DNAJC17: variants seen among roughly 807,000 people sequenced by gnomAD.
DNAJC17 encodes the protein dnaJ homolog subfamily C member 17.
A neutral mutation model predicts 48.1 loss-of-function variants in DNAJC17; 35 were observed. The observed-to-expected ratio is 0.73, with a 90% CI of 0.56 to 0.96. The LOEUF (loss-of-function observed/expected upper bound fraction) is 0.96. DNAJC17 is among the 50% of genes least tolerant of loss of function. The pLI is 0.00. For synonymous variants in DNAJC17, 117 were observed against 142.7 expected, an observed-to-expected ratio of 0.82 and a Z score of 1.28; for missense variants, 355 against 377.1, an observed-to-expected ratio of 0.94 and a Z score of 0.48.
chr15:40,770,313 G>C lies in DNAJC17; in HGVS notation c.793-2251C>G, dbSNP rs1258192177. The C allele has an allele frequency of 1.4e-5, 9 of 627,402 alleles. No individual in the cohort carries two copies. The highest frequency in any genetic ancestry group is 2.4e-5 in the Non-Finnish European group (9 of 368,242). 38.9% of individuals were successfully genotyped at this position (627,402 alleles called of 1,614,324 possible). On this transcript the variant is annotated intron_variant, in intron 10 of 10. Transcript: ENST00000220496. This position sits in a 1 kb window ranked among gnomAD's most constrained non-coding sequence, Gnocchi z 5.0. ...GCTGTCTGCTCTCCTGGGCAAAAAA[G>C]TTCCTTCTTCCTGAGCCCTCCTCTC...
At chr15:40,780,537 G>A (rs765960661) in intron 1 of DNAJC17, 46 of 362,218 alleles carry the variant, frequency 1.3e-4, no homozygotes, top group Non-Finnish European at 2.3e-4. Context: ...ATGATTGGCC[G>A]GTGCGGTGGC....
At chr15:40,782,823 T>C (rs34814635) in intron 1 of DNAJC17, among the ~76,000 whole-genome samples, 84,035 of 151,862 alleles carry the variant, frequency 0.55, 24,170 homozygotes, top group African/African-American at 0.71. Flanking sequence ...TGCTGGGCCA[T>C]AGCCAGGGCA....
At chr15:40,781,204 CTGTAATCCTGGCA>C (rs1196266788) in intron 1 of DNAJC17, among the ~76,000 whole-genome samples, 4 of 149,724 alleles carry the variant, frequency 2.7e-5, no homozygotes, top group African/African-American at 4.9e-5. Context: ...TGGTGTAATC[CTGTAATCCTGGCA>C]TGTAATCCTG....
In DNAJC17 at chr15:40,796,012, G is replaced by A. The variant is rs190298861; in HGVS notation, c.78+11357C>T. Among the ~76,000 whole-genome samples, 76 of 152,336 alleles carry A rather than the reference G, an allele frequency of 5.0e-4. 1 individual carries two copies. The highest frequency in any genetic ancestry group is 1.8e-3 in the African/African-American group (73 of 41,574). On this transcript the variant is annotated intron_variant, in intron 1 of 10. Coordinates refer to ENST00000220496, the MANE Select transcript of DNAJC17 (RefSeq NM_018163.3). Reference sequence around the variant, plus strand: ...AAAGATGGAAGACTTCCTACCTACCGGGTGGGAATATAGGTCAGTATGACC... The same window carrying A: ...AAAGATGGAAGACTTCCTACCTACCAGGTGGGAATATAGGTCAGTATGACC...
intron 1 of DNAJC17, 83 bp downstream of exon 1, chr15:40,807,286 C>A (rs772409189): frequency 1.2e-4 from 201 of 1,610,604 alleles, no homozygotes; most frequent in Non-Finnish European, 1.6e-4. Context: ...ACCTGGAGAG[C>A]GGATGCCAGC....
At position 40,765,992 on chromosome 15, in the gene DNAJC17, C is replaced by T. The variant is rs952989256; in HGVS notation, c.*1948G>A. The stretch of plus-strand genomic sequence containing the variant: ...ACCTGCCTCTGCTCCCTTTATACAA[C>T]CTCCAAGCCCAGGGACAGGGCCCAG... On this transcript the variant is annotated 3_prime_UTR_variant, in exon 11 of 11. Coordinates refer to ENST00000220496, the MANE Select transcript of DNAJC17 (RefSeq NM_018163.3). 7.1e-6 allele frequency: 5 copies of T among 701,686 alleles called. No individual in the cohort carries two copies. Among genetic ancestry groups the T allele is most frequent in the Non-Finnish European group, 9.3e-6 (4 of 429,808 alleles). The allele number at this position is 701,686 out of a possible 1,614,324, so 43.5% of individuals were successfully genotyped here.
chr15:40,782,643 G>C (rs1231093858), intron 1 of DNAJC17, among the ~76,000 whole-genome samples: 1 of 151,954 alleles, frequency 6.6e-6, no homozygotes, highest in Non-Finnish European at 1.5e-5. Context: ...AAGCAGATTG[G>C]ATTTCTAAGC....
Position 40,768,190 on chromosome 15 carries a change from G to A in DNAJC17, c.793-128C>T, listed in dbSNP as rs553651305. 7 of 1,262,366 alleles carry A rather than the reference G, an allele frequency of 5.5e-6. No individual in the cohort carries two copies. In the South Asian group the frequency reaches 9.7e-5, roughly 17 times the overall value. The allele number at this position is 1,262,366 out of a possible 1,614,324, so 78.2% of individuals were successfully genotyped here. A position where few individuals can be genotyped will look rare whatever the true frequency, so the allele number is the denominator to read the frequency against. The stretch of plus-strand genomic sequence containing the variant: ...GAGGGAGGACGGCAGAGGAAGGGAA[G>A]GAACCCGGAGCATCCTTTTGGAATC... On this transcript the variant is annotated intron_variant, in intron 10 of 10. Transcript: ENST00000220496.
chr15:40,790,917 G>A (rs1283771707), intron 1 of DNAJC17, among the ~76,000 whole-genome samples: 1 of 152,174 alleles, frequency 6.6e-6, no homozygotes, highest in Non-Finnish European at 1.5e-5. Context: ...GTGATACTGA[G>A]GGGACTTGGA....
chr15:40,798,046 A>G (rs1889983466), intron 1 of DNAJC17, among the ~76,000 whole-genome samples: 1 of 152,190 alleles, frequency 6.6e-6, no homozygotes, highest in Non-Finnish European at 1.5e-5. Flanking sequence ...ACCCACATTC[A>G]TACTAGCATT....
intron 1 of DNAJC17, chr15:40,792,553 G>A: frequency 1.0e-6 from 1 of 984,968 alleles, no homozygotes; most frequent in Non-Finnish European, 1.2e-6. Flanking sequence ...GCTGACTCAT[G>A]CCTGTAATCC....
intron 1 of DNAJC17, among the ~76,000 whole-genome samples, chr15:40,792,936 C>T (rs1423651136): frequency 4.7e-5 from 7 of 149,706 alleles, no homozygotes; most frequent in Admixed American, 4.7e-4. Context: ...CACTTGTCAC[C>T]CAGGCTGGAG....
chr15:40,775,778 C>T (rs1202139213), intron 6 of DNAJC17, among the ~76,000 whole-genome samples, 182 bp from the exon 7 acceptor site: 3 of 152,146 alleles, frequency 2.0e-5, no homozygotes, highest in Non-Finnish European at 4.4e-5. Context: ...GAAGCTGCCA[C>T]CCCAGGGGTG....
chr15:40,807,440 C>T lies in DNAJC17; in HGVS notation c.7G>A (p.Val3Met). The T allele has an allele frequency of 6.2e-7, 1 of 1,614,256 alleles. No homozygotes were observed. Among genetic ancestry groups the T allele is most frequent in the Non-Finnish European group, 8.5e-7 (1 of 1,180,034 alleles). Residue 3 changes from valine to methionine, a missense_variant, in exon 1 of 11, where the codon GTG becomes ATG. Around this residue, in one of 3 missense-constraint regions of DNAJC17, gnomAD observed 199 missense variants for 199.9 expected, o/e 1.00. Coordinates refer to ENST00000220496, the MANE Select transcript of DNAJC17 (RefSeq NM_018163.3). The part of the protein sequence containing the change: MA[V>M]TKELLQMDLY... ...TCCATCTGTAAGAGCTCCTTGGTCA[C>T]TGCCATGGTTCCGGCCTGACGGATT...
chr15:40,776,664 G>T, intron 4 of DNAJC17, 37 bp from the exon 5 acceptor site: 1 of 1,606,060 alleles, frequency 6.2e-7, no homozygotes. Flanking sequence ...CTGCTGGTCT[G>T]TTCAGTTTCC....
Position 40,789,747 on chromosome 15 carries a change from T to C in DNAJC17, c.79-9750A>G, listed in dbSNP as rs117344764. Among the ~76,000 whole-genome samples the C allele has an allele frequency of 1.6e-4, 24 of 151,740 alleles. No homozygotes were observed. In the East Asian group the frequency reaches 4.5e-3, roughly 28 times the overall value. Reference sequence around the variant, plus strand: ...TTCATTTCTGTCTTCCCTTAATGCATTGTTTCCTTTATAAACAAATTTGTA... The same window carrying C: ...TTCATTTCTGTCTTCCCTTAATGCACTGTTTCCTTTATAAACAAATTTGTA... On this transcript the variant is annotated intron_variant, in intron 1 of 10. Coordinates refer to ENST00000220496, the MANE Select transcript of DNAJC17 (RefSeq NM_018163.3).
At chr15:40,774,003 G>A (rs1179031773) in intron 9 of DNAJC17, among the ~76,000 whole-genome samples, 166 bp from the exon 10 acceptor site, 2 of 152,198 alleles carry the variant, frequency 1.3e-5, no homozygotes, top group Non-Finnish European at 2.9e-5. Context: ...CTTTCCTGCG[G>A]GAGAGGGGTT....
In DNAJC17 at chr15:40,797,500, G is replaced by A. The variant is rs1331324004; in HGVS notation, c.78+9869C>T. Among the ~76,000 whole-genome samples the A allele has an allele frequency of 3.3e-5, 5 of 151,022 alleles. No homozygotes were observed. The South Asian group carries it at 6.3e-4, about 19-fold the overall frequency. ...ACAATCTTGGCTCACTGCAACCTCC[G>A]CCTCTGGGTTCAAGCGATTCTCCTG... is the stretch of plus-strand genomic sequence containing the variant. On this transcript the variant is annotated intron_variant, in intron 1 of 10. Coordinates refer to ENST00000220496, the MANE Select transcript of DNAJC17 (RefSeq NM_018163.3).
chr15:40,807,074 GCAGAGGA>G, intron 1 of DNAJC17: 1 of 634,234 alleles, frequency 1.6e-6, no homozygotes, highest in South Asian at 2.1e-5. Flanking sequence ...CTGCGCAGGC[GCAGAGGA>G]GGCTAGCGTT....
Sources: gnomAD v4.1 joint callset for allele counts (sites outside exome capture counted in the v4.1 genomes callset) on GRCh38, gnomAD v4.1.1 for gene constraint, gnomAD v4.1.1 regional missense constraint, Gnocchi (gnomAD v3.1) non-coding constraint, MANE v1.5 for transcripts, NCBI Gene and HGNC (gene_info 2026-07-23, HGNC 2026-07-21) for gene names.